Variants in PDZD2 observed in about 807,000 individuals in gnomAD.
PDZD2 encodes the protein PDZ domain-containing protein 2.
Under a neutral mutation model 220.7 loss-of-function variants are expected in PDZD2, and 90 were observed. That is an observed-to-expected ratio of 0.41 (90% CI 0.34 to 0.49). The LOEUF is 0.49. PDZD2 is among the 20% of genes least tolerant of loss of function. PDZD2 has a pLI of 0.28. For synonymous variants in PDZD2, 1,375 were observed against 1,450.5 expected (o/e 0.95, Z 1.18); for missense variants, 3,174 against 3,608.5 (o/e 0.88, Z 3.08).
intron 1 of PDZD2, among the ~76,000 whole-genome samples, chr5:31,670,872 G>A (rs1374039957): frequency 6.6e-6 from 1 of 152,088 alleles, no homozygotes; most frequent in African/African-American, 2.4e-5. Context: ...GACAGCCAGG[G>A]CTCAAGCCCT....
intron 2 of PDZD2, among the ~76,000 whole-genome samples, chr5:31,964,239 C>G (rs942451935): frequency 6.6e-6 from 1 of 152,146 alleles, no homozygotes; most frequent in African/African-American, 2.4e-5. Context: ...AAGGAACTAA[C>G]GGTAATTGGT....
At chr5:31,741,017 A>C (rs895650004) in intron 1 of PDZD2, among the ~76,000 whole-genome samples, 1 of 152,206 alleles carries the variant, frequency 6.6e-6, no homozygotes, top group Non-Finnish European at 1.5e-5. Flanking sequence ...TAGTGCCTCA[A>C]ACTACATCCT....
chr5:31,799,253 C>T lies in PDZD2; in HGVS notation c.5C>T (p.Pro2Leu). 1 of 1,588,964 alleles carries T rather than the reference C, an allele frequency of 6.3e-7. No individual in the cohort carries two copies. The highest frequency in any genetic ancestry group is 8.6e-7 in the Non-Finnish European group (1 of 1,164,736). Reference sequence around the variant, plus strand: ...TGGTGTCTGGGAGTGAGCACCATGCCCATCACCCAGGACAATGCCGTGCTG... The same window carrying T: ...TGGTGTCTGGGAGTGAGCACCATGCTCATCACCCAGGACAATGCCGTGCTG... M[P>L]ITQDNAVLHL... Residue 2 changes from proline to leucine, a missense_variant, in exon 2 of 25, where the codon CCC becomes CTC. This residue lies in a region of PDZD2 where 632 missense variants were observed against 708.1 expected (regional missense o/e 0.89). Transcript: ENST00000438447.
chr5:31,832,540 C>T (rs533327254), intron 2 of PDZD2: 4 of 152,274 alleles, frequency 2.6e-5, no homozygotes, highest in African/African-American at 4.8e-5. Context: ...ATGGGTCGGG[C>T]GCGGTGGCTC....
Position 31,983,322 on chromosome 5 carries a change from G to A in PDZD2, c.644G>A (p.Arg215Gln), listed in dbSNP as rs73751750. 502 of 1,614,184 alleles carry A rather than the reference G, an allele frequency of 3.1e-4. 2 individuals carry two copies. In the African/African-American group the frequency reaches 5.9e-3, roughly 19 times the overall value. ...GACCGAACTGCGAAAAAGGGGAAAC[G>A]AACCAGAAAGTTTGGGGTCATCTCC... ...LGDRTAKKGK[R>Q]TRKFGVISRP... Residue 215 changes from arginine (R) to glutamine (Q), a missense_variant, in exon 3 of 25, where the codon CGA (arginine) becomes CAA (glutamine). Arg to Gln is a conservative substitution (Grantham distance 43, BLOSUM62 1). Transcript: ENST00000438447.
At chr5:32,073,363 C>T (rs1740938005) in intron 17 of PDZD2, among the ~76,000 whole-genome samples, 2 of 152,168 alleles carry the variant, frequency 1.3e-5, no homozygotes, top group Admixed American at 6.5e-5. Context: ...AAAGCACTCA[C>T]GTGCCTGTCA....
At chr5:31,641,019 A>G (rs1158022484) in intron 1 of PDZD2, among the ~76,000 whole-genome samples, 1 of 152,212 alleles carries the variant, frequency 6.6e-6, no homozygotes, top group Non-Finnish European at 1.5e-5. Context: ...TTGATTTTGC[A>G]TGTACTTTAT....
intron 2 of PDZD2, among the ~76,000 whole-genome samples, chr5:31,918,555 AC>A (rs772312647): frequency 2.0e-5 from 3 of 152,186 alleles, no homozygotes; most frequent in Non-Finnish European, 4.4e-5. Flanking sequence ...CTCAGGGATA[AC>A]CTTTCTTTTT....
chr5:32,097,519 T>C, intron 22 of PDZD2, 139 bp downstream of exon 22: 1 of 670,750 alleles, frequency 1.5e-6, no homozygotes, highest in South Asian at 1.7e-5. Flanking sequence ...AAGGGAGAAG[T>C]GGGAGAAGTA....
intron 7 of PDZD2, among the ~76,000 whole-genome samples, chr5:32,040,432 C>T (rs1357866724): frequency 6.3e-5 from 9 of 143,188 alleles, no homozygotes; most frequent in South Asian, 4.5e-4. Flanking sequence ...GCGTCTCTGC[C>T]GGACTGCCCA....
At chr5:32,100,960 A>AT in intron 23 of PDZD2, 145 bp from the exon 24 acceptor site, 1 of 1,602,502 alleles carries the variant, frequency 6.2e-7, no homozygotes, top group Non-Finnish European at 8.5e-7. Flanking sequence ...AAGTGCTGTT[A>AT]TAAGTAAGTA....
Position 31,698,194 on chromosome 5 carries a change from G to A in PDZD2, c.-361+58757G>A, listed in dbSNP as rs111613755. ...GCTGAGATTACAGGCGTGAGCCACC[G>A]CACCCGGCCCCTTCCTTATTTCTTA... On this transcript the variant is annotated intron_variant, in intron 1 of 24. Transcript: ENST00000438447. Among the ~76,000 whole-genome samples the A allele has an allele frequency of 7.7e-3, 1,130 of 147,516 alleles. 14 individuals are homozygous for A. The highest frequency in any genetic ancestry group is 0.025 in the African/African-American group (1,025 of 40,354).
In PDZD2 at chr5:32,057,074, A is replaced by G. The variant is rs538875828; in HGVS notation, c.1901-581A>G. Among the ~76,000 whole-genome samples, 13 of 152,278 alleles carry G rather than the reference A, an allele frequency of 8.5e-5. No individual in the cohort carries two copies. The South Asian group carries it at 2.7e-3, about 32-fold the overall frequency. ...ACGCCACCGCACTCTAGCCTGGGTG[A>G]CTGAGCCAGAGCAATACTCTGTTTC... On this transcript the variant is annotated intron_variant, in intron 10 of 24. Coordinates refer to ENST00000438447, the MANE Select transcript of PDZD2 (RefSeq NM_178140.4).
chr5:31,926,528 A>AAAG (rs1744783337), intron 2 of PDZD2, among the ~76,000 whole-genome samples: 1 of 145,390 alleles, frequency 6.9e-6, no homozygotes, highest in East Asian at 2.0e-4. Context: ...CTGCATCTGA[A>AAAG]AAAAAAAAAA....
At chr5:31,915,566 C>A (rs150302264) in intron 2 of PDZD2, among the ~76,000 whole-genome samples, 2 of 152,196 alleles carry the variant, frequency 1.3e-5, no homozygotes, top group Non-Finnish European at 2.9e-5. Context: ...GGAGAAAACA[C>A]CCTGAAGGCG....
intron 1 of PDZD2, among the ~76,000 whole-genome samples, chr5:31,664,506 A>G (rs776836402): frequency 2.0e-5 from 3 of 151,906 alleles, no homozygotes; most frequent in Non-Finnish European, 4.4e-5. Flanking sequence ...ACACACATAC[A>G]CACACACAGA....
intron 2 of PDZD2, among the ~76,000 whole-genome samples, chr5:31,913,139 C>T (rs544218197): frequency 2.0e-5 from 3 of 152,004 alleles, no homozygotes; most frequent in East Asian, 1.9e-4. Context: ...AAGGCTGAGG[C>T]GGGTGGATTG....
At chr5:31,901,540 G>C (rs1197597098) in intron 2 of PDZD2, among the ~76,000 whole-genome samples, 1 of 152,082 alleles carries the variant, frequency 6.6e-6, no homozygotes, top group Non-Finnish European at 1.5e-5. Flanking sequence ...CTTTGTGAGG[G>C]GACATACACT....
intron 14 of PDZD2, among the ~76,000 whole-genome samples, chr5:32,063,531 C>A (rs979751264): frequency 6.6e-6 from 1 of 152,140 alleles, no homozygotes; most frequent in Non-Finnish European, 1.5e-5. Flanking sequence ...GTGAAGCAGG[C>A]AGGCAGGCTG....
Sources: allele counts gnomAD v4.1 joint callset (sites outside exome capture counted in the v4.1 genomes callset), GRCh38; gene constraint gnomAD v4.1.1; regional missense constraint gnomAD v4.1.1; transcripts MANE v1.5; gene names NCBI Gene and HGNC (gene_info 2026-07-23, HGNC 2026-07-21).